The following PRICKLE2 variants were observed in gnomAD, a reference collection of about 807,000 sequenced individuals.
The protein encoded by PRICKLE2 is prickle-like protein 2.
In PRICKLE2, 21 loss-of-function variants were observed where a neutral mutation model predicts 81.4. The observed-to-expected ratio is 0.26, with a 90% CI of 0.18 to 0.37. PRICKLE2 has a LOEUF of 0.37. PRICKLE2 is among the 10% of genes least tolerant of loss of function. PRICKLE2 has a pLI of 1.00. For missense variants in PRICKLE2, 940 were observed against 1,109.0 expected (o/e 0.85, Z 2.16); for synonymous variants, 456 against 421.5 (o/e 1.08, Z -1.00).
chr3:64,153,140 G>A (rs776117158), intron 6 of PRICKLE2, 42 bp downstream of exon 6: 94 of 1,563,794 alleles, frequency 6.0e-5, no homozygotes, highest in East Asian at 9.0e-5. Flanking sequence ...AAAGGTGACC[G>A]CATCACAGAA....
At chr3:64,121,478 A>T (rs1287093752) in intron 7 of PRICKLE2, among the ~76,000 whole-genome samples, 2 of 152,084 alleles carry the variant, frequency 1.3e-5, no homozygotes, top group Non-Finnish European at 2.9e-5. Flanking sequence ...ATATCTGCTT[A>T]TAATTTCTGT....
Position 64,212,912 on chromosome 3 carries a change from G to A in PRICKLE2, c.-41+11998C>T, listed in dbSNP as rs898954043. Among the ~76,000 whole-genome samples the A allele has an allele frequency of 1.1e-4, 16 of 152,130 alleles. No homozygotes were observed. The South Asian group carries it at 2.3e-3, about 22-fold the overall frequency. ...GGAAAGAGATCAATGGAAAACAGAC[G>A]GGTGGTGAACAATTCATTTTGATAA... is the stretch of plus-strand genomic sequence containing the variant. On this transcript the variant is annotated intron_variant, in intron 1 of 7. Transcript: ENST00000638394.
rs530211974 is a variant in PRICKLE2 at position 64,198,986 on chromosome 3, G to C, written c.-40-19C>G. On this transcript the variant is annotated intron_variant, in intron 1 of 7. Transcript: ENST00000638394. ...GATCTTCCTGCAGGCAGTAAAGGTAGAAGGTGAGAAAGAGGAAAAAACCTT... is the reference window on the plus strand; with the variant it reads ...GATCTTCCTGCAGGCAGTAAAGGTACAAGGTGAGAAAGAGGAAAAAACCTT... The C allele has an allele frequency of 2.5e-6, 4 of 1,612,166 alleles. No individual in the cohort carries two copies. The African/African-American group carries it at 5.3e-5, about 21-fold the overall frequency.
chr3:64,145,775 G>T (rs2077440630), intron 7 of PRICKLE2: 1 of 151,900 alleles, frequency 6.6e-6, no homozygotes, highest in Non-Finnish European at 1.5e-5. Context: ...GGGCAACTGG[G>T]CTCCAGGTGC....
chr3:64,164,560 A>C (rs1205077847), intron 2 of PRICKLE2, among the ~76,000 whole-genome samples: 1 of 152,184 alleles, frequency 6.6e-6, no homozygotes, highest in African/African-American at 2.4e-5. Context: ...CAAGGCCTTA[A>C]AAAATGTGAA....
At chr3:64,103,693 C>T (rs115427710) in intron 7 of PRICKLE2, among the ~76,000 whole-genome samples, 2 of 152,136 alleles carry the variant, frequency 1.3e-5, no homozygotes, top group Admixed American at 6.5e-5. Context: ...AGTAAAGCAA[C>T]GTTTGGCCAG....
intron 7 of PRICKLE2, among the ~76,000 whole-genome samples, chr3:64,124,847 T>C (rs777456110): frequency 2.6e-5 from 4 of 152,236 alleles, no homozygotes; most frequent in Non-Finnish European, 4.4e-5. Flanking sequence ...GTTGTTTTCA[T>C]GCCTGCTAAC....
intron 1 of PRICKLE2, among the ~76,000 whole-genome samples, chr3:64,214,927 T>G (rs1305068238): frequency 6.6e-6 from 1 of 152,122 alleles, no homozygotes; most frequent in African/African-American, 2.4e-5. Flanking sequence ...ATTCATTATC[T>G]CTTTTTACCA....
intron 2 of PRICKLE2, among the ~76,000 whole-genome samples, chr3:64,176,389 T>C (rs2078023010): frequency 6.6e-6 from 1 of 152,256 alleles, no homozygotes; most frequent in African/African-American, 2.4e-5. Context: ...ATCATTGTTT[T>C]TGATTCTGCA....
intron 2 of PRICKLE2, among the ~76,000 whole-genome samples, chr3:64,243,590 A>G (rs765269485): frequency 6.6e-6 from 1 of 152,228 alleles, no homozygotes; most frequent in Non-Finnish European, 1.5e-5. Flanking sequence ...AGCTGTGTGA[A>G]TTATTCAACC....
chr3:64,105,996 T>C (rs1048556655), intron 7 of PRICKLE2: 2 of 152,242 alleles, frequency 1.3e-5, no homozygotes, highest in Admixed American at 1.3e-4. Context: ...TGTTGTTTCA[T>C]CTCTGTCTTC....
chr3:64,228,635 T>C (rs975533931), upstream of PRICKLE2, among the ~76,000 whole-genome samples: 1 of 152,172 alleles, frequency 6.6e-6, no homozygotes, highest in African/African-American at 2.4e-5. Context: ...AAAACTCATA[T>C]TGTTTTTCTA....
At chr3:64,179,716 G>A (rs902956837) in intron 2 of PRICKLE2, among the ~76,000 whole-genome samples, 4 of 152,140 alleles carry the variant, frequency 2.6e-5, no homozygotes, top group East Asian at 3.9e-4. Context: ...AAGTGCTGCC[G>A]CAAGTATTGA....
At chr3:64,262,903 T>C (rs897551972) in intron 2 of PRICKLE2, among the ~76,000 whole-genome samples, 1 of 152,188 alleles carries the variant, frequency 6.6e-6, no homozygotes, top group Admixed American at 6.5e-5. Context: ...TGCTAATAAG[T>C]GGTGGAGCCA....
At chr3:64,209,830 G>C (rs952531426) in intron 1 of PRICKLE2, among the ~76,000 whole-genome samples, 1 of 152,250 alleles carries the variant, frequency 6.6e-6, no homozygotes, top group Non-Finnish European at 1.5e-5. Flanking sequence ...TGTTATGACA[G>C]AAATAGGGAA....
rs7611159 is a variant in PRICKLE2 at position 64,152,727 on chromosome 3, C to T, written c.787+455G>A. Among the ~76,000 whole-genome samples the T allele has an allele frequency of 7.0e-3, 1,067 of 152,178 alleles. 13 individuals carry two copies. Among genetic ancestry groups the T allele is most frequent in the African/African-American group, 0.024 (992 of 41,496 alleles). On this transcript the variant is annotated intron_variant, in intron 6 of 7. Coordinates refer to ENST00000638394, the MANE Select transcript of PRICKLE2 (RefSeq NM_198859.4). The stretch of plus-strand genomic sequence containing the variant: ...GAGCTTCCCCCACTGCCCTGAGCCT[C>T]GGTTGTGGGACTGTATGGCACATAG...
chr3:64,262,532 A>G (rs1454636911), intron 2 of PRICKLE2, among the ~76,000 whole-genome samples: 1 of 152,030 alleles, frequency 6.6e-6, no homozygotes, highest in Admixed American at 6.5e-5. Flanking sequence ...AGTCCAGTGT[A>G]ACAAGAAGCC....
intron 7 of PRICKLE2, among the ~76,000 whole-genome samples, chr3:64,110,112 T>C (rs2076819441): frequency 6.6e-6 from 1 of 152,244 alleles, no homozygotes; most frequent in African/African-American, 2.4e-5. Context: ...TGGGGGATTC[T>C]GGTTGTATTG....
chr3:64,201,592 G>T (rs987779986), intron 1 of PRICKLE2, among the ~76,000 whole-genome samples: 1 of 152,068 alleles, frequency 6.6e-6, no homozygotes, highest in Non-Finnish European at 1.5e-5. Context: ...ATTGGGTTGT[G>T]TTCTAATTGT....
Sources: allele counts gnomAD v4.1 joint callset (sites outside exome capture counted in the v4.1 genomes callset), GRCh38; gene constraint gnomAD v4.1.1; transcripts MANE v1.5; gene names NCBI Gene and HGNC (gene_info 2026-07-23, HGNC 2026-07-21).